Variants in ZNF383 observed in about 807,000 individuals in gnomAD.
The protein encoded by ZNF383 is zinc finger protein 383.
ZNF383 carries 32 observed loss-of-function variants against 44.2 expected under a neutral mutation model. That is an observed-to-expected ratio of 0.72 (90% CI 0.55 to 0.97). The LOEUF (loss-of-function observed/expected upper bound fraction) is 0.97. Among genes scored for constraint, ZNF383 ranks in the 50% least tolerant of loss-of-function variants. The pLI is 0.00. For synonymous variants in ZNF383, 155 were observed against 186.2 expected, an observed-to-expected ratio of 0.83 and a Z score of 1.36; for missense variants, 487 against 562.5, an observed-to-expected ratio of 0.87 and a Z score of 1.36.
At position 37,246,151 on chromosome 19, in the gene ZNF383, G is replaced by A. The variant is rs1974366632; in HGVS notation, c.*2487G>A. 6.6e-6 allele frequency: 1 copy of A among 152,066 alleles called. No individual in the cohort carries two copies. The highest frequency in any genetic ancestry group is 1.5e-5 in the Non-Finnish European group (1 of 68,022). The allele number at this position is 152,066 out of a possible 1,614,324, so 9.4% of individuals were successfully genotyped here. On this transcript the variant is annotated 3_prime_UTR_variant, in exon 6 of 6. Transcript: ENST00000684119. Reference sequence around the variant, plus strand: ...CATCTATAATAAGGCTGTATGTATTGGATTGCTGTGAAGAGTCAATGAATT... The same window carrying A: ...CATCTATAATAAGGCTGTATGTATTAGATTGCTGTGAAGAGTCAATGAATT...
At chr19:37,240,338 AC>A (rs921448283) in intron 5 of ZNF383, among the ~76,000 whole-genome samples, 1 of 152,172 alleles carries the variant, frequency 6.6e-6, no homozygotes, top group African/African-American at 2.4e-5. Flanking sequence ...ATACCTGAAC[AC>A]TTTACTCCAA....
chr19:37,242,373 G>A (rs1213715607), intron 5 of ZNF383, 96 bp from the exon 6 acceptor site: 1 of 751,920 alleles, frequency 1.3e-6, no homozygotes, highest in Non-Finnish European at 2.1e-6. Flanking sequence ...TTACCTAGTA[G>A]ATACTATTCT....
At chr19:37,225,792 T>A (rs1016504235) in intron 2 of ZNF383, among the ~76,000 whole-genome samples, 6 of 140,554 alleles carry the variant, frequency 4.3e-5, no homozygotes, top group African/African-American at 1.6e-4. Context: ...TCAGTTTAAA[T>A]TTTTTTTTTT....
chr19:37,240,212 G>C (rs913524122), intron 5 of ZNF383, among the ~76,000 whole-genome samples: 2 of 151,736 alleles, frequency 1.3e-5, no homozygotes, highest in East Asian at 3.9e-4. Context: ...GAGAAAGATT[G>C]TGTTGGAATG....
At chr19:37,238,282 A>G (rs569855869) in intron 5 of ZNF383, among the ~76,000 whole-genome samples, 1 of 151,714 alleles carries the variant, frequency 6.6e-6, no homozygotes, top group Middle Eastern at 3.5e-3. Flanking sequence ...TTAGCATGAC[A>G]TTAATATTAT....
chr19:37,227,320 G>T (rs1423786975), intron 2 of ZNF383, among the ~76,000 whole-genome samples: 2 of 148,762 alleles, frequency 1.3e-5, no homozygotes, highest in African/African-American at 2.5e-5. Context: ...CTCTGTGTTG[G>T]TCGGGCTGGT....
At position 37,242,711 on chromosome 19, in the gene ZNF383, C is replaced by T; in HGVS notation, c.475C>T (p.Leu159Phe). 1 of 1,613,996 alleles carries T rather than the reference C, an allele frequency of 6.2e-7. No homozygotes were observed. The highest frequency in any genetic ancestry group is 8.5e-7 in the Non-Finnish European group (1 of 1,179,972). ...ATTTATTCAACAGACATTCCTTACT[C>T]TCCATCAAATAATTAATAATGAAGA... ...PTFIQQTFLTLHQIINNEDRP... is the reference protein window; with the variant it reads ...PTFIQQTFLTFHQIINNEDRP... The change falls in exon 6 of 6, where the codon CTC becomes TTC. Residue 159 changes from leucine (L) to phenylalanine (F), a missense_variant. Coordinates refer to ENST00000684119, the MANE Select transcript of ZNF383 (RefSeq NM_001387601.1).
intron 1 of ZNF383, among the ~76,000 whole-genome samples, chr19:37,222,268 A>G (rs1972960118): frequency 6.6e-6 from 1 of 152,104 alleles, no homozygotes; most frequent in South Asian, 2.1e-4. Flanking sequence ...AATAATATGT[A>G]GTATAAATAT....
chr19:37,229,706 ATATG>A (rs1237659132), intron 2 of ZNF383, among the ~76,000 whole-genome samples: 4 of 145,156 alleles, frequency 2.8e-5, no homozygotes, highest in Admixed American at 7.1e-5. Flanking sequence ...ATGTATATAT[ATATG>A]TGTGTGTATA....
In ZNF383 at chr19:37,224,833, G is replaced by A. The variant is rs1369956279; in HGVS notation, c.-152G>A. On this transcript the variant is annotated 5_prime_UTR_variant, in exon 2 of 6. Coordinates refer to ENST00000684119, the MANE Select transcript of ZNF383 (RefSeq NM_001387601.1). ...TTTTTTTTAGACGGAGTCTCACTCT[G>A]TTGCCCAAGCTGGAGTGCAGTGGCA... 1.4e-5 allele frequency: 2 copies of A among 145,450 alleles called. No individual in the cohort carries two copies. Among genetic ancestry groups the A allele is most frequent in the Non-Finnish European group, 3.0e-5 (2 of 67,406 alleles). 9.0% of individuals were successfully genotyped at this position (145,450 alleles called of 1,614,324 possible).
intron 2 of ZNF383, among the ~76,000 whole-genome samples, chr19:37,225,777 ATCAT>A (rs143894549): frequency 0.18 from 26,604 of 150,044 alleles, 2,443 homozygotes; most frequent in South Asian, 0.25. Flanking sequence ...ACTTTTTATT[ATCAT>A]TCAGTTTAAA....
At chr19:37,220,290 G>A (rs937997038) in intron 1 of ZNF383, among the ~76,000 whole-genome samples, 1 of 151,978 alleles carries the variant, frequency 6.6e-6, no homozygotes, top group African/African-American at 2.4e-5. Flanking sequence ...GTGCAGAGGC[G>A]CGTTCTCAGC....
At chr19:37,241,553 A>G (rs907666192) in intron 5 of ZNF383, among the ~76,000 whole-genome samples, 1 of 152,136 alleles carries the variant, frequency 6.6e-6, no homozygotes, top group African/African-American at 2.4e-5. Flanking sequence ...TTGAGGTTTT[A>G]TTACACAGGC....
intron 2 of ZNF383, among the ~76,000 whole-genome samples, chr19:37,225,957 CT>C (rs35639012): frequency 1.8e-3 from 252 of 138,040 alleles, no homozygotes; most frequent in Admixed American, 2.2e-3. Flanking sequence ...GTCTAACTAA[CT>C]TTTTTTTTTT....
intron 5 of ZNF383, among the ~76,000 whole-genome samples, chr19:37,236,784 G>C (rs1484296117): frequency 1.3e-5 from 2 of 151,896 alleles, no homozygotes; most frequent in Non-Finnish European, 2.9e-5. Flanking sequence ...TGGCCAGGCT[G>C]TTCTTGAACT....
intron 3 of ZNF383, among the ~76,000 whole-genome samples, chr19:37,230,835 A>G (rs1384817612): frequency 3.3e-5 from 5 of 152,202 alleles, no homozygotes; most frequent in African/African-American, 1.2e-4. Context: ...AAATATAGAC[A>G]AGCCAAGATT....
rs1050132086 is a variant in ZNF383, at chr19:37,244,194, C to T, written c.*530C>T. ...CACCTCCCGGCTTCAAGCAATTCTC[C>T]TGCCTCAGACTCCTGAGTAGCTGGG... is the stretch of plus-strand genomic sequence containing the variant. On this transcript the variant is annotated 3_prime_UTR_variant, in exon 6 of 6. Transcript: ENST00000684119. 6.6e-6 allele frequency: 1 copy of T among 152,122 alleles called. No individual in the cohort carries two copies. Among genetic ancestry groups the T allele is most frequent in the Non-Finnish European group, 1.5e-5 (1 of 68,118 alleles). 9.4% of individuals were successfully genotyped at this position (152,122 alleles called of 1,614,324 possible).
At chr19:37,239,702 C>T (rs192723349) in intron 5 of ZNF383, among the ~76,000 whole-genome samples, 1 of 152,220 alleles carries the variant, frequency 6.6e-6, no homozygotes, top group Admixed American at 6.5e-5. Flanking sequence ...ATACTATTCC[C>T]TGAATAGATT....
In ZNF383 at chr19:37,243,978, G is replaced by A; in HGVS notation, c.*314G>A. On this transcript the variant is annotated 3_prime_UTR_variant, in exon 6 of 6. Coordinates refer to ENST00000684119, the MANE Select transcript of ZNF383 (RefSeq NM_001387601.1). Reference sequence around the variant, plus strand: ...GATCTGTGTATTTGTGTTTGCACCAGTATCACACTGTTTGAATTGTGTGAC... The same window carrying A: ...GATCTGTGTATTTGTGTTTGCACCAATATCACACTGTTTGAATTGTGTGAC... 1 of 215,814 alleles carries A rather than the reference G, an allele frequency of 4.6e-6. No homozygotes were observed. The allele number at this position is 215,814 out of a possible 1,614,324, so 13.4% of individuals were successfully genotyped here.
Sources: allele counts gnomAD v4.1 joint callset (sites outside exome capture counted in the v4.1 genomes callset), GRCh38; gene constraint gnomAD v4.1.1; transcripts MANE v1.5; gene names NCBI Gene and HGNC (gene_info 2026-07-23, HGNC 2026-07-21).